EPHB1: variants seen among roughly 807,000 people sequenced by gnomAD.
EPHB1 encodes the protein EPH receptor B1.
EPHB1 carries 30 observed loss-of-function variants against 94.4 expected under a neutral mutation model. The observed-to-expected ratio is 0.32, with a 90% confidence interval of 0.24 to 0.43. EPHB1 has a LOEUF of 0.43. Ranked by LOEUF, EPHB1 falls within the 20% of genes least tolerant of loss-of-function variation. The pLI is 1.00. For missense variants in EPHB1, 1,055 were observed against 1,308.3 expected (o/e 0.81, Z 2.99); for synonymous variants, 522 against 489.1 (o/e 1.07, Z -0.89).
chr3:135,195,887 C>G (rs1473074614), intron 11 of EPHB1, among the ~76,000 whole-genome samples: 2 of 130,028 alleles, frequency 1.5e-5, no homozygotes, highest in East Asian at 4.2e-4. Flanking sequence ...ATTTCCAGTT[C>G]TAGATCCCTG....
chr3:135,004,627 G>A (rs2107745085), intron 3 of EPHB1, among the ~76,000 whole-genome samples: 1 of 151,748 alleles, frequency 6.6e-6, no homozygotes, highest in Middle Eastern at 3.4e-3. Context: ...TTTTCACATA[G>A]TCCCATATTT....
At chr3:134,910,201 C>G (rs2038423473) in intron 1 of EPHB1, among the ~76,000 whole-genome samples, 1 of 152,182 alleles carries the variant, frequency 6.6e-6, no homozygotes, top group South Asian at 2.1e-4. Flanking sequence ...TGTGACTGCT[C>G]TGGCCCTGGG....
At chr3:135,021,172 G>C (rs1353034996) in intron 3 of EPHB1, among the ~76,000 whole-genome samples, 3 of 152,056 alleles carry the variant, frequency 2.0e-5, no homozygotes, top group African/African-American at 7.2e-5. Context: ...CATTTTACCA[G>C]AAGATCTTAG....
intron 4 of EPHB1, among the ~76,000 whole-genome samples, chr3:135,120,613 C>T (rs1939917592): frequency 1.3e-5 from 2 of 152,120 alleles, no homozygotes; most frequent in Admixed American, 1.3e-4. Flanking sequence ...CCTATAACAC[C>T]CTGGAAAGTA....
chr3:134,981,783 A>G (rs945609350), intron 3 of EPHB1, among the ~76,000 whole-genome samples: 5 of 152,252 alleles, frequency 3.3e-5, no homozygotes, highest in African/African-American at 7.2e-5. Flanking sequence ...GGAGAAGTTA[A>G]TAATTTTGCT....
intron 3 of EPHB1, among the ~76,000 whole-genome samples, chr3:134,992,466 C>T (rs1203873243): frequency 6.6e-6 from 1 of 152,192 alleles, no homozygotes; most frequent in African/African-American, 2.4e-5. Flanking sequence ...TTCTTGTTTC[C>T]TGAGAAAAAG....
At chr3:134,967,749 C>T (rs779036127) in intron 3 of EPHB1, among the ~76,000 whole-genome samples, 76 of 152,188 alleles carry the variant, frequency 5.0e-4, no homozygotes, top group Middle Eastern at 3.2e-3. Context: ...TTAGTTATAA[C>T]AACAGAAAAT....
chr3:134,859,535 T>C (rs79012261), intron 1 of EPHB1, among the ~76,000 whole-genome samples: 3,671 of 152,172 alleles, frequency 0.024, 153 homozygotes, highest in African/African-American at 0.084. Context: ...AAACCTGGTG[T>C]CCCCACCCCC....
At chr3:134,999,779 C>T (rs1935116922) in intron 3 of EPHB1, among the ~76,000 whole-genome samples, 1 of 152,220 alleles carries the variant, frequency 6.6e-6, no homozygotes, top group African/African-American at 2.4e-5. Flanking sequence ...TATAAAGCGT[C>T]TTGCCTCAGG....
At chr3:135,103,828 C>T (rs769478882) in intron 3 of EPHB1, among the ~76,000 whole-genome samples, 14 of 152,186 alleles carry the variant, frequency 9.2e-5, no homozygotes, top group Non-Finnish European at 1.8e-4. Context: ...CTCCTCCCCT[C>T]CACTTCCTCC....
intron 8 of EPHB1, 94 bp downstream of exon 8, chr3:135,166,170 C>A (rs546747470): frequency 3.7e-6 from 3 of 812,130 alleles, no homozygotes; most frequent in African/African-American, 1.7e-5. Flanking sequence ...AGGGTGTGAC[C>A]ATTCACGACC....
chr3:135,255,881 G>C (rs1411999386), intron 15 of EPHB1, among the ~76,000 whole-genome samples: 2 of 145,138 alleles, frequency 1.4e-5, no homozygotes, highest in Non-Finnish European at 3.0e-5. Flanking sequence ...CTCAGGACTT[G>C]CTTTATGAAT....
intron 3 of EPHB1, among the ~76,000 whole-genome samples, chr3:134,970,389 TA>T (rs1933921017): frequency 6.6e-6 from 1 of 152,216 alleles, no homozygotes; most frequent in African/African-American, 2.4e-5. Flanking sequence ...TCCAAGCCTT[TA>T]CTTGAATATT....
At chr3:135,146,541 T>C (rs1320400676) in intron 5 of EPHB1, among the ~76,000 whole-genome samples, 1 of 152,190 alleles carries the variant, frequency 6.6e-6, no homozygotes, top group Non-Finnish European at 1.5e-5. Context: ...TCACTCGGTC[T>C]CCTTATCCTT....
chr3:135,028,561 CTAGTTTGATTGCACTGTGGTCTGAGAGA>C (rs1363030500), intron 3 of EPHB1, among the ~76,000 whole-genome samples: 3 of 145,598 alleles, frequency 2.1e-5, no homozygotes, highest in African/African-American at 7.5e-5. Context: ...ATCCTGAGTT[CTAGTTTGATTGCACTGTGGTCTGAGAGA>C]TAGTTTGTTA....
At chr3:135,196,348 C>A (rs1942615861) in intron 11 of EPHB1, among the ~76,000 whole-genome samples, 1 of 152,022 alleles carries the variant, frequency 6.6e-6, no homozygotes. Flanking sequence ...CAGCATTTCT[C>A]ATGTTGATGA....
intron 3 of EPHB1, among the ~76,000 whole-genome samples, chr3:135,039,333 C>T (rs986150967): frequency 6.6e-6 from 1 of 152,200 alleles, no homozygotes; most frequent in Admixed American, 6.5e-5. Flanking sequence ...TCTCCACGTC[C>T]CCACCAGACT....
intron 4 of EPHB1, among the ~76,000 whole-genome samples, chr3:135,128,513 T>G (rs528690999): frequency 1.1e-4 from 16 of 152,362 alleles, no homozygotes; most frequent in Non-Finnish European, 2.1e-4. Flanking sequence ...CATCATCATT[T>G]TAACCACCCA....
chr3:134,811,530 C>T (rs71331778), intron 1 of EPHB1, among the ~76,000 whole-genome samples: 17,439 of 151,898 alleles, frequency 0.11, 2,406 homozygotes, highest in African/African-American at 0.33. Flanking sequence ...TAAGCCAATG[C>T]GCCCGGCCTA....
Sources: gnomAD v4.1 joint callset for allele counts (sites outside exome capture counted in the v4.1 genomes callset) on GRCh38, gnomAD v4.1.1 for gene constraint, MANE v1.5 for transcripts, NCBI Gene and HGNC (gene_info 2026-07-23, HGNC 2026-07-21) for gene names.